Variants in LACC1 observed in about 807,000 individuals in gnomAD.
The protein encoded by LACC1 is purine nucleoside phosphorylase LACC1.
LACC1 carries 25 observed loss-of-function variants against 34.8 expected under a neutral mutation model. The ratio of observed to expected loss-of-function variants is 0.72; its 90% CI spans 0.52 to 1.00. LACC1 has a LOEUF of 1.00. Among genes scored for constraint, LACC1 ranks in the 50% least tolerant of loss-of-function variants. The pLI is 0.00. For missense variants in LACC1, 426 were observed against 511.2 expected, an observed-to-expected ratio of 0.83 and a Z score of 1.61; for synonymous variants, 162 against 168.0, an observed-to-expected ratio of 0.96 and a Z score of 0.28.
At chr13:43,884,377 C>T (rs1477601676) in intron 4 of LACC1, among the ~76,000 whole-genome samples, 1 of 152,104 alleles carries the variant, frequency 6.6e-6, no homozygotes, top group Non-Finnish European at 1.5e-5. Context: ...CAAAACACTC[C>T]CTAGGGGAGT....
rs1274100004 is a variant in LACC1, at chr13:43,893,508, A to G, written c.*2061A>G. 2 of 152,028 alleles carry G rather than the reference A, an allele frequency of 1.3e-5. No individual in the cohort carries two copies. Among genetic ancestry groups the G allele is most frequent in the East Asian group, 3.8e-4 (2 of 5,200 alleles). 9.4% of individuals were successfully genotyped at this position (152,028 alleles called of 1,614,324 possible). A position where few individuals can be genotyped will look rare whatever the true frequency, so the allele number is the denominator to read the frequency against. On this transcript the variant is annotated 3_prime_UTR_variant, in exon 7 of 7. Coordinates refer to ENST00000325686, the MANE Select transcript of LACC1 (RefSeq NM_153218.4). ...TTGAGGTACTGGGACAGGTTAAAAA[A>G]TACAGTTGTAGCCCTCAGGATATTT...
In LACC1 at chr13:43,889,622, T is replaced by C. The variant is rs188868680; in HGVS notation, c.1134-492T>C. ...AGATGTGGAAAAGTTTGAAATTGAT[T>C]CTTAAATGTGACTTTTAAAATCAAG... On this transcript the variant is annotated intron_variant, in intron 5 of 6. Coordinates refer to ENST00000325686, the MANE Select transcript of LACC1 (RefSeq NM_153218.4). 2.2e-4 allele frequency among the ~76,000 whole-genome samples: 33 copies of C among 152,326 alleles called. No individual in the cohort carries two copies. The East Asian group carries it at 6.0e-3, about 28-fold the overall frequency.
At chr13:43,890,923 G>T (rs184911805) in intron 6 of LACC1, among the ~76,000 whole-genome samples, 73 of 152,288 alleles carry the variant, frequency 4.8e-4, no homozygotes, top group African/African-American at 1.7e-3. Flanking sequence ...ACATAGAGAT[G>T]AATGAATATG....
At chr13:43,887,725 A>G (rs1393177456) in intron 4 of LACC1, among the ~76,000 whole-genome samples, 2 of 152,156 alleles carry the variant, frequency 1.3e-5, no homozygotes, top group Admixed American at 1.3e-4. Context: ...AAGTTAGAGA[A>G]ACGCAAATCA....
At chr13:43,881,962 CAA>C (rs990928085) in intron 2 of LACC1, among the ~76,000 whole-genome samples, 1 of 152,164 alleles carries the variant, frequency 6.6e-6, no homozygotes, top group Non-Finnish European at 1.5e-5. Context: ...TTAGATATAA[CAA>C]AGCCAGATGA....
chr13:43,882,849 A>G (rs1420509208), intron 3 of LACC1, among the ~76,000 whole-genome samples: 1 of 152,164 alleles, frequency 6.6e-6, no homozygotes, highest in Non-Finnish European at 1.5e-5. Flanking sequence ...TAAGATAACT[A>G]CCAAATTATT....
intron 3 of LACC1, 93 bp downstream of exon 3, chr13:43,882,456 T>A (rs1255108472): frequency 1.1e-6 from 1 of 870,550 alleles, no homozygotes; most frequent in South Asian, 1.9e-5. Flanking sequence ...CTTTTGTATC[T>A]GCTTTTTTAT....
chr13:43,881,082 T>C lies in LACC1; in HGVS notation c.97T>C (p.Tyr33His). 1.2e-6 allele frequency: 2 copies of C among 1,614,192 alleles called. No homozygotes were observed. Among genetic ancestry groups the C allele is most frequent in the Non-Finnish European group, 1.7e-6 (2 of 1,180,016 alleles). Residue 33 changes from tyrosine (Y) to histidine (H), a missense_variant, in exon 2 of 7, where the codon TAC (tyrosine) becomes CAC (histidine). By Grantham distance (83) the Tyr-to-His change is moderately conservative. This residue lies in a region of LACC1 where 217 missense variants were observed against 210.9 expected (regional missense o/e 1.03). Coordinates refer to ENST00000325686, the MANE Select transcript of LACC1 (RefSeq NM_153218.4). ...TLLKTLNAVQ[Y>H]HHAAKAKFLC... ...ACTGAAGACTTTGAATGCTGTCCAATACCACCATGCTGCCAAGGCCAAGTT... is the reference window on the plus strand; with the variant it reads ...ACTGAAGACTTTGAATGCTGTCCAACACCACCATGCTGCCAAGGCCAAGTT...
In LACC1 at chr13:43,883,316, A is replaced by C. The variant is rs1187130917; in HGVS notation, c.742-455A>C. Reference sequence around the variant, plus strand: ...GTAGAGAAAGGCCATTATTTTATAAATCTACTCCAGGAGGAACTAGGGTCA... The same window carrying C: ...GTAGAGAAAGGCCATTATTTTATAACTCTACTCCAGGAGGAACTAGGGTCA... On this transcript the variant is annotated intron_variant, in intron 3 of 6. Transcript: ENST00000325686. Among the ~76,000 whole-genome samples the C allele has an allele frequency of 3.9e-5, 6 of 152,186 alleles. No homozygotes were observed. In the East Asian group the frequency reaches 1.2e-3, roughly 29 times the overall value.
intron 4 of LACC1, among the ~76,000 whole-genome samples, chr13:43,884,980 TG>T (rs1955245857): frequency 6.6e-6 from 1 of 152,290 alleles, no homozygotes; most frequent in South Asian, 2.1e-4. Context: ...GTTATAAATG[TG>T]AATTTCAAGT....
chr13:43,883,744 AT>A, intron 3 of LACC1, 26 bp from the exon 4 acceptor site: 1 of 1,568,092 alleles, frequency 6.4e-7, no homozygotes, highest in Non-Finnish European at 8.7e-7. Context: ...TTTCCAAAAC[AT>A]TTTTGTTGCA....
At chr13:43,879,745 T>TGAGGCGGGGC (rs1954837285), upstream of LACC1, 1 of 131,300 alleles carries the variant, frequency 7.6e-6, no homozygotes, top group South Asian at 2.6e-4. Context: ...GTAGGTGAGG[T>TGAGGCGGGGC]GAGGCGGGGC....
intron 4 of LACC1, among the ~76,000 whole-genome samples, chr13:43,886,900 G>A (rs1473859995): frequency 6.6e-6 from 1 of 152,028 alleles, no homozygotes; most frequent in East Asian, 1.9e-4. Flanking sequence ...TATATAGATA[G>A]GCATAGAAAA....
Position 43,881,184 on chromosome 13 carries a change from A to G in LACC1, c.199A>G (p.Asn67Asp), listed in dbSNP as rs1296041195. Residue 67 changes from asparagine to aspartate, a missense_variant, in exon 2 of 7, where the codon AAT becomes GAT. Around this residue, in one of 2 missense-constraint regions of LACC1, gnomAD observed 217 missense variants for 210.9 expected, o/e 1.03. Coordinates refer to ENST00000325686, the MANE Select transcript of LACC1 (RefSeq NM_153218.4). ...EQDNCEIETS[N>D]GLSALLEEFE... ...AGATAATTGTGAAATAGAAACAAGCAATGGATTATCAGCTCTCTTGGAAGA... is the reference window on the plus strand; with the variant it reads ...AGATAATTGTGAAATAGAAACAAGCGATGGATTATCAGCTCTCTTGGAAGA... 6.2e-7 allele frequency: 1 copy of G among 1,614,202 alleles called. No individual in the cohort carries two copies. The highest frequency in any genetic ancestry group is 1.7e-5 in the Admixed American group (1 of 60,036).
chr13:43,882,339 T>G lies in LACC1; in HGVS notation c.717T>G (p.Asn239Lys). The change falls in exon 3 of 7, where the codon AAT becomes AAG. Residue 239 changes from asparagine (N) to lysine (K), a missense_variant. Asn to Lys is a moderately conservative substitution (Grantham distance 94, BLOSUM62 0). Coordinates refer to ENST00000325686, the MANE Select transcript of LACC1 (RefSeq NM_153218.4). ...GGTTGGCGAATGCTGCAGGATTTAA[T>G]GTGGAGAAATTTTACCGAATAAAGG... is the stretch of plus-strand genomic sequence containing the variant. ...LRRLANAAGFNVEKFYRIKTH... is the reference protein window; with the variant it reads ...LRRLANAAGFKVEKFYRIKTH... 6.2e-7 allele frequency: 1 copy of G among 1,609,204 alleles called. No homozygotes were observed. The highest frequency in any genetic ancestry group is 8.5e-7 in the Non-Finnish European group (1 of 1,178,758).
At position 43,883,751 on chromosome 13, in the gene LACC1, T is replaced by A. The variant is rs773004184; in HGVS notation, c.742-20T>A. ...AAATACTATTTCCAAAACATTTTTG[T>A]TGCACATTTTTGGTATTAGACTCAT... On this transcript the variant is annotated intron_variant, in intron 3 of 6. Transcript: ENST00000325686. 1.4e-5 allele frequency: 22 copies of A among 1,573,218 alleles called. No homozygotes were observed. Among genetic ancestry groups the A allele is most frequent in the Non-Finnish European group, 1.9e-5 (22 of 1,156,462 alleles).
chr13:43,880,436 A>G (rs1566962223), intron 1 of LACC1, among the ~76,000 whole-genome samples: 1 of 152,224 alleles, frequency 6.6e-6, no homozygotes, highest in Non-Finnish European at 1.5e-5. Flanking sequence ...TTTTGTGGTC[A>G]TTGCTAAGTG....
chr13:43,882,157 T>C, intron 2 of LACC1, 28 bp from the exon 3 acceptor site: 1 of 1,562,094 alleles, frequency 6.4e-7, no homozygotes, highest in Non-Finnish European at 8.7e-7. Flanking sequence ...ATAGCATCTT[T>C]TAAATCTTCA....
At chr13:43,889,972 C>A in intron 5 of LACC1, 142 bp from the exon 6 acceptor site, 1 of 654,540 alleles carries the variant, frequency 1.5e-6, no homozygotes, top group Non-Finnish European at 2.5e-6. Flanking sequence ...AGTCCATGTT[C>A]TGTAAGTGAA....
Sources: allele counts gnomAD v4.1 joint callset (sites outside exome capture counted in the v4.1 genomes callset), GRCh38; gene constraint gnomAD v4.1.1; regional missense constraint gnomAD v4.1.1; transcripts MANE v1.5; gene names NCBI Gene and HGNC (gene_info 2026-07-23, HGNC 2026-07-21).